Variants in FNIP2 observed in about 807,000 individuals in gnomAD.
FNIP2 encodes the protein folliculin-interacting protein 2.
FNIP2 carries 32 observed loss-of-function variants against 108.7 expected under a neutral mutation model. The ratio of observed to expected loss-of-function variants is 0.29; its 90% CI spans 0.22 to 0.40. The LOEUF is 0.40. Among genes scored for constraint, FNIP2 ranks in the 10% least tolerant of loss-of-function variants. The pLI is 1.00. For missense variants in FNIP2, 1,202 were observed against 1,381.6 expected (o/e 0.87, Z 2.06); for synonymous variants, 480 against 496.7 (o/e 0.97, Z 0.45).
At chr4:158,851,529 C>A in intron 8 of FNIP2, 79 bp downstream of exon 8, 1 of 1,541,006 alleles carries the variant, frequency 6.5e-7, no homozygotes, top group Admixed American at 2.0e-5. Context: ...GCTGTTCGTG[C>A]CTATTGTCAG....
At chr4:158,806,328 T>C in intron 1 of FNIP2, 2 of 1,289,420 alleles carry the variant, frequency 1.6e-6, no homozygotes, top group Non-Finnish European at 2.0e-6. Flanking sequence ...ATGCTGTTCC[T>C]GGTGCTGGGA....
intron 14 of FNIP2, among the ~76,000 whole-genome samples, chr4:158,887,213 T>TA (rs758701182): frequency 4.1e-4 from 62 of 152,336 alleles, no homozygotes; most frequent in Non-Finnish European, 7.5e-4. Flanking sequence ...TTTTTTAGAA[T>TA]ACTTAATTTC....
At chr4:158,771,720 T>C (rs1775704772) in intron 1 of FNIP2, among the ~76,000 whole-genome samples, 1 of 152,244 alleles carries the variant, frequency 6.6e-6, no homozygotes, top group African/African-American at 2.4e-5. Context: ...GGGGCAGTTT[T>C]GTAGTGTATA....
intron 1 of FNIP2, among the ~76,000 whole-genome samples, chr4:158,778,891 A>G (rs1405391646): frequency 6.6e-6 from 1 of 152,230 alleles, no homozygotes; most frequent in Non-Finnish European, 1.5e-5. Flanking sequence ...CCATAAGCTC[A>G]AGTATATTTC....
chr4:158,812,304 T>G (rs146316536), intron 1 of FNIP2, among the ~76,000 whole-genome samples: 357 of 152,276 alleles, frequency 2.3e-3, no homozygotes, highest in Non-Finnish European at 4.1e-3. Flanking sequence ...TTGGGTACAT[T>G]CTGTAGAGCA....
intron 14 of FNIP2, among the ~76,000 whole-genome samples, chr4:158,886,824 T>C (rs1718194481): frequency 6.6e-6 from 1 of 152,220 alleles, no homozygotes; most frequent in Non-Finnish European, 1.5e-5. Context: ...CTGATTAATC[T>C]GAGACAATAA....
chr4:158,875,030 A>G (rs1781183626), intron 14 of FNIP2, among the ~76,000 whole-genome samples: 1 of 150,574 alleles, frequency 6.6e-6, no homozygotes, highest in Non-Finnish European at 1.5e-5. Flanking sequence ...GAGAGGTTGC[A>G]GTGCGCTGAG....
intron 1 of FNIP2, among the ~76,000 whole-genome samples, chr4:158,818,466 A>C (rs1456964191): frequency 1.3e-5 from 2 of 152,198 alleles, no homozygotes; most frequent in Admixed American, 1.3e-4. Context: ...CAAAATCCTA[A>C]AATTTCTGGA....
At chr4:158,889,882 G>A in intron 14 of FNIP2, 1 of 985,074 alleles carries the variant, frequency 1.0e-6, no homozygotes, top group Non-Finnish European at 1.2e-6. Flanking sequence ...TATAACACAG[G>A]ATGAACAAGA....
At chr4:158,780,727 G>A (rs146195283) in intron 1 of FNIP2, among the ~76,000 whole-genome samples, 118 of 152,260 alleles carry the variant, frequency 7.7e-4, no homozygotes, top group Admixed American at 1.1e-3. Context: ...GATTTTGTGA[G>A]GTTTATAAGA....
chr4:158,893,790 T>G, intron 15 of FNIP2: 1 of 997,534 alleles, frequency 1.0e-6, no homozygotes, highest in Non-Finnish European at 1.5e-6. Flanking sequence ...TATATTTCAT[T>G]CTATAATACA....
intron 1 of FNIP2, among the ~76,000 whole-genome samples, chr4:158,802,088 T>C (rs918232729): frequency 2.0e-5 from 3 of 152,242 alleles, no homozygotes; most frequent in Non-Finnish European, 4.4e-5. Context: ...ACACTGTACA[T>C]ATTCGGGTTG....
At position 158,869,339 on chromosome 4, in the gene FNIP2, C is replaced by A; in HGVS notation, c.2703C>A (p.Asp901Glu). Residue 901 changes from aspartate (D) to glutamate (E), a missense_variant, in exon 13 of 17, where the codon GAC becomes GAA. Asp to Glu is a conservative substitution (Grantham distance 45). Transcript: ENST00000264433. ...CAGATAGCGCCCTGGGAGACAGTGA[C>A]GACGAAGCCTGCGCTTCAGCCATGC... The part of the protein sequence containing the change: ...ESSDSALGDS[D>E]DEACASAMLD... 6.2e-7 allele frequency: 1 copy of A among 1,613,340 alleles called. No individual in the cohort carries two copies. Among genetic ancestry groups the A allele is most frequent in the Non-Finnish European group, 8.5e-7 (1 of 1,179,658 alleles).
At chr4:158,791,472 G>T (rs1309344018) in intron 1 of FNIP2, among the ~76,000 whole-genome samples, 3 of 151,546 alleles carry the variant, frequency 2.0e-5, no homozygotes, top group African/African-American at 7.3e-5. Flanking sequence ...TTTTAGTAGG[G>T]GGTTTCTCCA....
At chr4:158,851,521 T>C in intron 8 of FNIP2, 71 bp downstream of exon 8, 3 of 1,577,802 alleles carry the variant, frequency 1.9e-6, no homozygotes, top group Non-Finnish European at 2.6e-6. Context: ...GCAGGGAGGC[T>C]GTTCGTGCCT....
intron 14 of FNIP2, among the ~76,000 whole-genome samples, chr4:158,880,388 C>G (rs1305362397): frequency 6.6e-6 from 1 of 151,984 alleles, no homozygotes; most frequent in African/African-American, 2.4e-5. Context: ...GGGAATTGAA[C>G]AATGAGAACA....
intron 14 of FNIP2, among the ~76,000 whole-genome samples, chr4:158,878,461 T>G (rs1256853825): frequency 6.6e-6 from 1 of 152,182 alleles, no homozygotes; most frequent in Non-Finnish European, 1.5e-5. Context: ...GTCTGTGCTA[T>G]TTGTGGGTTT....
intron 1 of FNIP2, among the ~76,000 whole-genome samples, chr4:158,807,782 G>A (rs1777050638): frequency 6.6e-6 from 1 of 152,190 alleles, no homozygotes; most frequent in Non-Finnish European, 1.5e-5. Flanking sequence ...ACAGTAGACC[G>A]GAGAGTGAGA....
At chr4:158,850,497 C>T (rs1254715248) in intron 7 of FNIP2, among the ~76,000 whole-genome samples, 2 of 151,456 alleles carry the variant, frequency 1.3e-5, no homozygotes, top group African/African-American at 2.4e-5. Flanking sequence ...CTCATACTTC[C>T]TGAGACACAG....
Sources: allele counts gnomAD v4.1 joint callset (sites outside exome capture counted in the v4.1 genomes callset), GRCh38; gene constraint gnomAD v4.1.1; transcripts MANE v1.5; gene names NCBI Gene and HGNC (gene_info 2026-07-23, HGNC 2026-07-21).